Variants in ZNF425 observed in about 807,000 individuals in gnomAD.
ZNF425 encodes zinc finger protein 425.
ZNF425 carries 21 observed loss-of-function variants against 17.0 expected under a neutral mutation model. The observed-to-expected ratio is 1.23, with a 90% CI of 0.88 to 1.78. The LOEUF is 1.78. Among genes scored for constraint, ZNF425 ranks in the 40% most tolerant of loss-of-function variants. ZNF425 has a pLI of 0.00. For synonymous variants in ZNF425, 433 were observed against 384.1 expected (o/e 1.13, Z -1.49); for missense variants, 868 against 967.3 (o/e 0.90, Z 1.36).
rs1391092434 is a variant in ZNF425, at chr7:149,104,271, T to C, written c.1600A>G (p.Ser534Gly). Residue 534 changes from serine to glycine, a missense_variant, in exon 4 of 4, where the codon AGT becomes GGT. By Grantham distance (56) the Ser-to-Gly change is moderately conservative (BLOSUM62 0). Transcript: ENST00000378061. The surrounding 1 kb of genome is among the most constrained non-coding windows in gnomAD (Gnocchi z 4.3). ...KPFSCAECGR[S>G]FRRRAHLTEH... ...GTGAGATGCGCGCGTCGGCGGAAAC[T>C]GCGGCCGCACTCGGCGCAGGAGAAC... The C allele has an allele frequency of 1.9e-6, 3 of 1,613,482 alleles. No individual in the cohort carries two copies. The highest frequency in any genetic ancestry group is 1.6e-4 in the Middle Eastern group (1 of 6,084).
chr7:149,125,891 A>G, intron 1 of ZNF425: 1 of 553,700 alleles, frequency 1.8e-6, no homozygotes, highest in Non-Finnish European at 3.2e-6. Flanking sequence ...CGACGGACCT[A>G]GCGCATATAC....
chr7:149,109,257 T>C (rs1826135171), intron 3 of ZNF425, among the ~76,000 whole-genome samples: 1 of 152,008 alleles, frequency 6.6e-6, no homozygotes, highest in Non-Finnish European at 1.5e-5. Context: ...TTTGTATTTT[T>C]AGTAGAGATA....
chr7:149,111,590 TAAAAAAAAAAAAAAA>T (rs60783786), intron 3 of ZNF425, among the ~76,000 whole-genome samples: 1,220 of 54,432 alleles, frequency 0.022, 35 homozygotes, highest in African/African-American at 0.076. Flanking sequence ...AGACTCTGTC[TAAAAAAAAAAAAAAA>T]AAAAAAAAAA....
rs531638276 is a variant in ZNF425, at chr7:149,122,167, G to A, written c.19-3819C>T. On this transcript the variant is annotated intron_variant, in intron 1 of 3. Coordinates refer to ENST00000378061, the MANE Select transcript of ZNF425 (RefSeq NM_001001661.3). The stretch of plus-strand genomic sequence containing the variant: ...AGGATGGTCTCGATCTCCTGACCTC[G>A]TGATCCGCCCACTCTCGGCCTCCCA... Among the ~76,000 whole-genome samples, 7 of 150,284 alleles carry A rather than the reference G, an allele frequency of 4.7e-5. No homozygotes were observed. In the South Asian group the frequency reaches 6.3e-4, roughly 14 times the overall value.
intron 2 of ZNF425, among the ~76,000 whole-genome samples, chr7:149,112,995 T>C (rs1387206057): frequency 4.3e-5 from 6 of 140,998 alleles, no homozygotes; most frequent in South Asian, 2.3e-4. Context: ...TTTTTTTTTT[T>C]AGACAGAGTA....
chr7:149,123,965 A>G (rs1280249353), intron 1 of ZNF425, among the ~76,000 whole-genome samples: 1 of 148,664 alleles, frequency 6.7e-6, no homozygotes, highest in Non-Finnish European at 1.5e-5. Flanking sequence ...CTCCTGACTC[A>G]GCCTCCCGAG....
intron 3 of ZNF425, among the ~76,000 whole-genome samples, chr7:149,106,029 C>T (rs1405059899): frequency 6.8e-6 from 1 of 147,512 alleles, no homozygotes; most frequent in African/African-American, 2.5e-5. Flanking sequence ...AATCCTGGCT[C>T]ACTGCATCCT....
At chr7:149,110,560 C>T (rs1259308458) in intron 3 of ZNF425, among the ~76,000 whole-genome samples, 2 of 143,142 alleles carry the variant, frequency 1.4e-5, no homozygotes, top group African/African-American at 5.4e-5. Flanking sequence ...AGTGAGACTC[C>T]ATCTCACAAA....
chr7:149,125,166 G>A (rs1401552622), intron 1 of ZNF425, among the ~76,000 whole-genome samples: 1 of 152,154 alleles, frequency 6.6e-6, no homozygotes, highest in African/African-American at 2.4e-5. Flanking sequence ...TGGGGAAAAG[G>A]AGTGGGAAGC....
chr7:149,106,252 C>G (rs1826081135), intron 3 of ZNF425, among the ~76,000 whole-genome samples: 1 of 151,080 alleles, frequency 6.6e-6, no homozygotes, highest in Admixed American at 6.6e-5. Context: ...CATGCCTGGC[C>G]TAAAATTTTT....
At position 149,104,181 on chromosome 7, in the gene ZNF425, A is replaced by C. The variant is rs766706880; in HGVS notation, c.1690T>G (p.Ser564Ala). The change falls in exon 4 of 4, where the codon TCC (serine) becomes GCC (alanine). Residue 564 changes from serine (S) to alanine (A), a missense_variant. Physicochemically the swap from Ser to Ala is moderately conservative, Grantham distance 99 (BLOSUM62 1). Coordinates refer to ENST00000378061, the MANE Select transcript of ZNF425 (RefSeq NM_001001661.3). This position sits in a 1 kb window ranked among gnomAD's most constrained non-coding sequence, Gnocchi z 4.3. ...TGGAACTTCATGGAGGCCTTCCAGG[A>C]GAAGCTCTTGTCGCACTCGGGACAC... ...FQCPECDKSF[S>A]WKASMKFHQR... 1 of 1,610,624 alleles carries C rather than the reference A, an allele frequency of 6.2e-7. No homozygotes were observed. The highest frequency in any genetic ancestry group is 8.5e-7 in the Non-Finnish European group (1 of 1,178,698).
chr7:149,122,354 CA>C (rs1020186740), intron 1 of ZNF425, among the ~76,000 whole-genome samples: 2 of 151,730 alleles, frequency 1.3e-5, no homozygotes, highest in Admixed American at 1.3e-4. Flanking sequence ...AGGGCTCAAG[CA>C]ATCCTCCTGC....
chr7:149,115,080 G>A (rs1230682672), intron 2 of ZNF425, among the ~76,000 whole-genome samples: 4 of 147,470 alleles, frequency 2.7e-5, no homozygotes, highest in African/African-American at 7.5e-5. Flanking sequence ...GATTACAGAC[G>A]TGTGCCACCA....
Position 149,105,585 on chromosome 7 carries a change from T to C in ZNF425, c.305-19A>G. On this transcript the variant is annotated intron_variant, in intron 3 of 3. Coordinates refer to ENST00000378061, the MANE Select transcript of ZNF425 (RefSeq NM_001001661.3). ...TCGTCATCTGGAGCAGAAAGAAGTA[T>C]CACTCTCATCAGTGATATGTCTACC... 2.0e-6 allele frequency: 3 copies of C among 1,500,656 alleles called. No individual in the cohort carries two copies. Among genetic ancestry groups the C allele is most frequent in the Non-Finnish European group, 2.7e-6 (3 of 1,130,684 alleles). 93.0% of individuals were successfully genotyped at this position (1,500,656 alleles called of 1,614,324 possible).
In ZNF425 at chr7:149,108,938, A is replaced by G. The variant is rs539834247; in HGVS notation, c.304+3199T>C. On this transcript the variant is annotated intron_variant, in intron 3 of 3. Transcript: ENST00000378061. Reference sequence around the variant, plus strand: ...CAAGCTCCTCCCATTCTATAGGATGAAGTCAAACTTTCCACCTTGGCAATC... The same window carrying G: ...CAAGCTCCTCCCATTCTATAGGATGGAGTCAAACTTTCCACCTTGGCAATC... Among the ~76,000 whole-genome samples the G allele has an allele frequency of 1.8e-4, 28 of 152,196 alleles. 1 individual carries two copies. Among genetic ancestry groups the G allele is most frequent in the South Asian group, 1.0e-3 (5 of 4,826 alleles).
intron 1 of ZNF425, 136 bp downstream of exon 1, chr7:149,126,060 G>C (rs957033326): frequency 2.6e-5 from 40 of 1,509,886 alleles, no homozygotes; most frequent in Non-Finnish European, 3.5e-5. Flanking sequence ...GCCCAGCCCG[G>C]AGCTCAGTCC....
chr7:149,104,106 T>C lies in ZNF425; in HGVS notation c.1765A>G (p.Lys589Glu), dbSNP rs148975742. 1,988 of 1,612,262 alleles carry C rather than the reference T, an allele frequency of 1.2e-3. 3 individuals are homozygous for C. The highest frequency in any genetic ancestry group is 1.6e-3 in the Non-Finnish European group (1,893 of 1,179,846). ...EKPFACGECD[K>E]TYTHQSQLTE... Reference sequence around the variant, plus strand: ...AGCTGAGACTGATGCGTGTAGGTCTTGTCACACTCACCGCACGCGAAGGGC... The same window carrying C: ...AGCTGAGACTGATGCGTGTAGGTCTCGTCACACTCACCGCACGCGAAGGGC... Residue 589 changes from lysine to glutamate, a missense_variant, in exon 4 of 4, where the codon AAG becomes GAG. Coordinates refer to ENST00000378061, the MANE Select transcript of ZNF425 (RefSeq NM_001001661.3). The surrounding 1 kb of genome is among the most constrained non-coding windows in gnomAD (Gnocchi z 4.3).
rs746626652 is a variant in ZNF425 at position 149,103,838 on chromosome 7, CT to C, written c.2032del (p.Arg678GlyfsTer4). 1 of 1,613,656 alleles carries C rather than the reference CT, an allele frequency of 6.2e-7. No homozygotes were observed. On this transcript the variant is annotated frameshift_variant, in exon 4 of 4. Transcript: ENST00000378061. LOFTEE classifies it low-confidence loss of function (END_TRUNC). ...ATACAAGTGGACCTTCAAGCTGCCC[CT>C]GATGCAGTAGCTCTTGTCACACTCC... The part of the protein sequence containing the change: ...CPECDKSYCI[R>X]GSLKVHLYKH...
chr7:149,103,811 T>G lies in ZNF425; in HGVS notation c.2060A>C (p.Lys687Thr). ...CTGGAAGGGCCTCTCTCCACTGTGCTTATACAAGTGGACCTTCAAGCTGCC... is the reference window on the plus strand; with the variant it reads ...CTGGAAGGGCCTCTCTCCACTGTGCGTATACAAGTGGACCTTCAAGCTGCC... ...IRGSLKVHLYKHSGERPFQCP... is the reference protein window; with the variant it reads ...IRGSLKVHLYTHSGERPFQCP... The change falls in exon 4 of 4, where the codon AAG becomes ACG. Residue 687 changes from lysine (K) to threonine (T), a missense_variant. Lys to Thr is a moderately conservative substitution (Grantham distance 78). Coordinates refer to ENST00000378061, the MANE Select transcript of ZNF425 (RefSeq NM_001001661.3). The G allele has an allele frequency of 2.5e-6, 4 of 1,608,420 alleles. No individual in the cohort carries two copies. The highest frequency in any genetic ancestry group is 2.5e-6 in the Non-Finnish European group (3 of 1,178,066).
Sources: gnomAD v4.1 joint callset for allele counts (sites outside exome capture counted in the v4.1 genomes callset) on GRCh38, gnomAD v4.1.1 for gene constraint, Gnocchi (gnomAD v3.1) non-coding constraint, MANE v1.5 for transcripts, NCBI Gene and HGNC (gene_info 2026-07-23, HGNC 2026-07-21) for gene names.